Variants in KANK1 observed in about 807,000 individuals in gnomAD.
KANK1 encodes KN motif and ankyrin repeat domains 1.
Under a neutral mutation model 106.2 loss-of-function variants are expected in KANK1, and 109 were observed. That is an observed-to-expected ratio of 1.03 (90% CI 0.88 to 1.20). KANK1 has a LOEUF of 1.20. Ranked by LOEUF, KANK1 falls within the 50% of genes most tolerant of loss-of-function variation. The probability of loss-of-function intolerance (pLI) is 0.00; values close to 1 mark genes in which losing one functional copy is unlikely to be tolerated. For synonymous variants in KANK1, 873 were observed against 652.2 expected (o/e 1.34, Z -5.16); for missense variants, 2,399 against 1,710.7 (o/e 1.40, Z -7.10).
intron 2 of KANK1, chr9:707,335 A>C: frequency 1.5e-6 from 1 of 646,228 alleles, no homozygotes; most frequent in Non-Finnish European, 1.9e-6. Context: ...GAAGGTGCGC[A>C]CTGCTGGGCC....
chr9:507,223 C>G (rs2058802682), intron 1 of KANK1, among the ~76,000 whole-genome samples: 1 of 151,352 alleles, frequency 6.6e-6, no homozygotes, highest in Non-Finnish European at 1.5e-5. Flanking sequence ...TATGGTGGCA[C>G]ATGCACCTGT....
chr9:676,577 G>T (rs1158867154), intron 1 of KANK1, among the ~76,000 whole-genome samples: 1 of 152,210 alleles, frequency 6.6e-6, no homozygotes, highest in African/African-American at 2.4e-5. Context: ...TTCGTAGAGT[G>T]CTACACATTA....
intron 2 of KANK1, among the ~76,000 whole-genome samples, chr9:681,673 C>T (rs1316797619): frequency 6.6e-6 from 1 of 152,154 alleles, no homozygotes; most frequent in African/African-American, 2.4e-5. Context: ...TCCCCTTGTT[C>T]TCTTGTCCTT....
At chr9:744,392 A>C in intron 10 of KANK1, 99 bp from the exon 11 acceptor site, 1 of 1,370,870 alleles carries the variant, frequency 7.3e-7, no homozygotes, top group Non-Finnish European at 1.0e-6. Context: ...TATTTGGGGA[A>C]CCTTGCCAAT....
At chr9:565,402 G>C (rs1406515221) in intron 1 of KANK1, among the ~76,000 whole-genome samples, 1 of 152,216 alleles carries the variant, frequency 6.6e-6, no homozygotes, top group Non-Finnish European at 1.5e-5. Context: ...AACTTGTGTA[G>C]TCACCCAAAA....
At chr9:736,386 A>G (rs760808486) in intron 7 of KANK1, among the ~76,000 whole-genome samples, 3 of 152,220 alleles carry the variant, frequency 2.0e-5, no homozygotes, top group Non-Finnish European at 4.4e-5. Flanking sequence ...CTGTAGATAC[A>G]GAGGGCCAGC....
At chr9:519,568 C>G (rs1436957496) in intron 1 of KANK1, among the ~76,000 whole-genome samples, 41 of 151,706 alleles carry the variant, frequency 2.7e-4, no homozygotes, top group Non-Finnish European at 1.5e-5. Flanking sequence ...CATGCAGAGC[C>G]TAATACTGAA....
intron 1 of KANK1, among the ~76,000 whole-genome samples, chr9:635,881 G>A (rs115714827): frequency 0.024 from 3,619 of 151,740 alleles, 161 homozygotes; most frequent in African/African-American, 0.084. Flanking sequence ...CACTTTATTG[G>A]TCAGACTGGT....
intron 1 of KANK1, among the ~76,000 whole-genome samples, chr9:671,438 G>T (rs1475591434): frequency 6.6e-6 from 1 of 151,348 alleles, no homozygotes; most frequent in Non-Finnish European, 1.5e-5. Context: ...AAGGTCAGGA[G>T]ATCAAGACCA....
At chr9:657,464 C>A (rs1842399129) in intron 1 of KANK1, among the ~76,000 whole-genome samples, 1 of 152,128 alleles carries the variant, frequency 6.6e-6, no homozygotes, top group African/African-American at 2.4e-5. Flanking sequence ...TTTTCTGTAG[C>A]AGCTGCACCA....
At chr9:506,819 G>C (rs2058779262) in intron 1 of KANK1, among the ~76,000 whole-genome samples, 1 of 152,178 alleles carries the variant, frequency 6.6e-6, no homozygotes, top group South Asian at 2.1e-4. Context: ...CAAGGAACTG[G>C]GAAGAGGAAT....
chr9:473,029 C>T (rs937854975), intron 2 of KANK1, among the ~76,000 whole-genome samples: 2 of 152,168 alleles, frequency 1.3e-5, no homozygotes, highest in African/African-American at 4.8e-5. Context: ...TCATGGGGGC[C>T]GCTAAGGCCT....
At chr9:602,236 T>C (rs1827932850) in intron 1 of KANK1, among the ~76,000 whole-genome samples, 1 of 151,876 alleles carries the variant, frequency 6.6e-6, no homozygotes, top group African/African-American at 2.4e-5. Flanking sequence ...CTCTCATTTT[T>C]AGCCCATTCC....
chr9:554,408 C>G (rs1373020678), intron 1 of KANK1, among the ~76,000 whole-genome samples: 1 of 152,200 alleles, frequency 6.6e-6, no homozygotes, highest in African/African-American at 2.4e-5. Flanking sequence ...GATTGGATGA[C>G]ACCCATCCAC....
chr9:550,374 C>T (rs1351314219), intron 1 of KANK1, among the ~76,000 whole-genome samples: 1 of 152,088 alleles, frequency 6.6e-6, no homozygotes, highest in African/African-American at 2.4e-5. Flanking sequence ...TTCCCTGCAT[C>T]CGTACATGAA....
chr9:689,571 T>C (rs961480111), intron 2 of KANK1, among the ~76,000 whole-genome samples: 1 of 142,600 alleles, frequency 7.0e-6, no homozygotes, highest in Non-Finnish European at 1.5e-5. Context: ...AGCAGGCACC[T>C]TTGCTGGACT....
chr9:594,457 G>C (rs1286441702), intron 1 of KANK1, among the ~76,000 whole-genome samples: 3 of 151,806 alleles, frequency 2.0e-5, no homozygotes, highest in Non-Finnish European at 4.4e-5. Context: ...AAATGTAGGA[G>C]TTATGATTTC....
At chr9:526,214 C>G (rs2059785195) in intron 1 of KANK1, among the ~76,000 whole-genome samples, 1 of 151,804 alleles carries the variant, frequency 6.6e-6, no homozygotes. Context: ...TGCTGTCTCT[C>G]AGGCATTTCT....
rs115189612 is a variant in KANK1 at position 729,968 on chromosome 9, A to C, written c.2699-83A>C. ...TGGGATAATAGTCCCATTTTAAATT[A>C]TGAGTGGCAAGAATTGTTTTTGTTG... On this transcript the variant is annotated intron_variant, in intron 3 of 11. Coordinates refer to ENST00000382297, the MANE Select transcript of KANK1 (RefSeq NM_015158.5). 0.018 allele frequency: 21,992 copies of C among 1,192,796 alleles called. 1,556 individuals carry two copies. The highest frequency in any genetic ancestry group is 0.14 in the East Asian group (5,670 of 40,484). 73.9% of individuals were successfully genotyped at this position (1,192,796 alleles called of 1,614,324 possible). A position where few individuals can be genotyped will look rare whatever the true frequency, so the allele number is the denominator to read the frequency against.
Sources: gnomAD v4.1 joint callset for allele counts (sites outside exome capture counted in the v4.1 genomes callset) on GRCh38, gnomAD v4.1.1 for gene constraint, MANE v1.5 for transcripts, NCBI Gene and HGNC (gene_info 2026-07-23, HGNC 2026-07-21) for gene names.